Variants in NCAM1 observed in about 807,000 individuals in gnomAD.
NCAM1 encodes antigen recognized by monoclonal antibody 5.1H11.
Under a neutral mutation model 109.8 loss-of-function variants are expected in NCAM1, and 14 were observed. The observed-to-expected ratio is 0.13, with a 90% CI of 0.08 to 0.20. The LOEUF is 0.20. NCAM1 is among the 10% of genes least tolerant of loss of function. The pLI is 1.00. For missense variants in NCAM1, 774 were observed against 1,109.9 expected (o/e 0.70, Z 4.30); for synonymous variants, 418 against 442.9 (o/e 0.94, Z 0.70).
intron 1 of NCAM1, among the ~76,000 whole-genome samples, chr11:113,105,589 A>G (rs1378729852): frequency 6.6e-6 from 1 of 152,230 alleles, no homozygotes; most frequent in Non-Finnish European, 1.5e-5. Context: ...CAGGCATAAA[A>G]AGGAATGAAG....
At chr11:113,162,486 G>A (rs1235159097) in intron 1 of NCAM1, among the ~76,000 whole-genome samples, 1 of 152,034 alleles carries the variant, frequency 6.6e-6, no homozygotes, top group Non-Finnish European at 1.5e-5. Flanking sequence ...GCTTGCTTCT[G>A]GCCTAATAAC....
rs1441438501 is a variant in NCAM1 at position 113,072,822 on chromosome 11, TA to T, written c.52+111159del. 7.3e-3 allele frequency among the ~76,000 whole-genome samples: 429 copies of T among 58,596 alleles called. 1 individual carries two copies. Among genetic ancestry groups the T allele is most frequent in the African/African-American group, 0.024 (392 of 16,250 alleles). The allele number at this position is 58,596 out of a possible 152,430, so 38.4% of individuals were successfully genotyped here. On this transcript the variant is annotated intron_variant, in intron 1 of 19. Coordinates refer to ENST00000316851, the MANE Select transcript of NCAM1 (RefSeq NM_181351.5). ...TTTCTAAGTATTTTACATTGTTTTT[TA>T]TTTTTTTTTTCATTTTTTTGACTAT...
chr11:113,078,830 C>T (rs1565423000), intron 1 of NCAM1, among the ~76,000 whole-genome samples: 1 of 152,076 alleles, frequency 6.6e-6, no homozygotes, highest in Non-Finnish European at 1.5e-5. Flanking sequence ...TCCAGTGGCT[C>T]GTGGCTGATG....
At chr11:113,237,715 G>A (rs1945203979) in intron 14 of NCAM1, among the ~76,000 whole-genome samples, 1 of 152,168 alleles carries the variant, frequency 6.6e-6, no homozygotes, top group South Asian at 2.1e-4. Context: ...TTAAAGAGAG[G>A]AAGGCTGGGA....
At chr11:113,188,761 C>G (rs1393512462) in intron 1 of NCAM1, among the ~76,000 whole-genome samples, 1 of 152,134 alleles carries the variant, frequency 6.6e-6, no homozygotes, top group African/African-American at 2.4e-5. Context: ...CTTTTGGTCA[C>G]TAACATTCCC....
intron 18 of NCAM1, chr11:113,270,659 G>A: frequency 2.0e-6 from 1 of 502,278 alleles, no homozygotes; most frequent in South Asian, 2.5e-5. Flanking sequence ...TCCCTGTGTA[G>A]GTCAAAATGA....
At chr11:113,150,607 C>G (rs370051397) in intron 1 of NCAM1, among the ~76,000 whole-genome samples, 2 of 152,260 alleles carry the variant, frequency 1.3e-5, no homozygotes, top group South Asian at 2.1e-4. Flanking sequence ...AAATTTGTAA[C>G]TCATTTGGGG....
At chr11:113,210,775 A>AC (rs1944363983) in intron 7 of NCAM1, among the ~76,000 whole-genome samples, 24 of 130,980 alleles carry the variant, frequency 1.8e-4, no homozygotes, top group Admixed American at 7.8e-4. Context: ...CTTCATCACA[A>AC]ACACACACAC....
At chr11:113,265,597 C>A (rs1319777403) in intron 17 of NCAM1, among the ~76,000 whole-genome samples, 1 of 152,194 alleles carries the variant, frequency 6.6e-6, no homozygotes, top group Non-Finnish European at 1.5e-5. Flanking sequence ...AGAGAAGATT[C>A]TCTTTGCAAA....
intron 9 of NCAM1, among the ~76,000 whole-genome samples, chr11:113,222,740 A>G (rs539265533): frequency 6.6e-6 from 1 of 152,268 alleles, no homozygotes; most frequent in Admixed American, 6.5e-5. Context: ...TTTATCAGGG[A>G]GCATTAAGGA....
chr11:113,223,798 C>G (rs1243793710), intron 9 of NCAM1, among the ~76,000 whole-genome samples: 1 of 152,212 alleles, frequency 6.6e-6, no homozygotes, highest in East Asian at 1.9e-4. Context: ...TGCCTGCAGT[C>G]CTGCTTTGTT....
At chr11:112,972,278 A>G (rs541807193) in intron 1 of NCAM1, among the ~76,000 whole-genome samples, 11 of 152,216 alleles carry the variant, frequency 7.2e-5, no homozygotes, top group South Asian at 2.1e-4. Context: ...GATGGTAGTA[A>G]TCTATATTTT....
chr11:113,257,543 C>T lies in NCAM1; in HGVS notation c.1953+1542C>T, dbSNP rs1183982584. ...GCAGGCTCAGGCTGGAACCATCTCC[C>T]GTATGACATCTCCAACCATGTCGGA... is the stretch of plus-strand genomic sequence containing the variant. On this transcript the variant is annotated intron_variant, in intron 16 of 19. Transcript: ENST00000316851. 8.5e-5 allele frequency among the ~76,000 whole-genome samples: 13 copies of T among 152,152 alleles called. No homozygotes were observed. The South Asian group carries it at 1.2e-3, about 15-fold the overall frequency.
chr11:113,059,227 C>T (rs1953831756), intron 1 of NCAM1, among the ~76,000 whole-genome samples: 1 of 152,160 alleles, frequency 6.6e-6, no homozygotes, highest in Non-Finnish European at 1.5e-5. Flanking sequence ...ATAGTGAGCT[C>T]AACCAAAATC....
chr11:113,231,628 C>T lies in NCAM1; in HGVS notation c.1090-17C>T, dbSNP rs781865580. The stretch of plus-strand genomic sequence containing the variant: ...CCTTGGGCTCTGACATGCTCCCTTC[C>T]CCCCCACCCCCGGCAGACTCTGGAT... On this transcript the variant is annotated splice_polypyrimidine_tract_variant and intron_variant, in intron 9 of 19. Coordinates refer to ENST00000316851, the MANE Select transcript of NCAM1 (RefSeq NM_181351.5). The T allele has an allele frequency of 2.0e-5, 32 of 1,610,478 alleles. 1 individual carries two copies. The highest frequency in any genetic ancestry group is 2.6e-5 in the Non-Finnish European group (31 of 1,177,438).
chr11:113,268,003 C>A (rs1946172347), intron 17 of NCAM1, among the ~76,000 whole-genome samples: 2 of 152,230 alleles, frequency 1.3e-5, no homozygotes, highest in South Asian at 4.1e-4. Context: ...ACTTTCAGAT[C>A]TTTCTTCAGG....
chr11:113,181,111 T>C (rs1943317279), intron 1 of NCAM1, among the ~76,000 whole-genome samples: 2 of 152,238 alleles, frequency 1.3e-5, no homozygotes, highest in Admixed American at 1.3e-4. Context: ...CACTAAACTG[T>C]AAAGATGAGT....
Position 112,963,869 on chromosome 11 carries a change from C to A in NCAM1, c.52+2205C>A, listed in dbSNP as rs1446755817. On this transcript the variant is annotated intron_variant, in intron 1 of 19. Transcript: ENST00000316851. This position sits in a 1 kb window ranked among gnomAD's most constrained non-coding sequence, Gnocchi z 4.6. ...TGCCCAGGCAGGGGAGGCATTCTAA[C>A]CAGTGTTCCCTGGAATGAAAGCGAC... Among the ~76,000 whole-genome samples, 1 of 152,140 alleles carries A rather than the reference C, an allele frequency of 6.6e-6. No individual in the cohort carries two copies. Among genetic ancestry groups the A allele is most frequent in the Admixed American group, 6.5e-5 (1 of 15,284 alleles).
intron 1 of NCAM1, among the ~76,000 whole-genome samples, chr11:113,070,378 C>G (rs1034867763): frequency 2.0e-5 from 3 of 152,090 alleles, no homozygotes; most frequent in Admixed American, 6.5e-5. Context: ...GATGCAGAAA[C>G]ATCATTCCTC....
Sources: allele counts gnomAD v4.1 joint callset (sites outside exome capture counted in the v4.1 genomes callset), GRCh38; gene constraint gnomAD v4.1.1; non-coding constraint Gnocchi (gnomAD v3.1); transcripts MANE v1.5; gene names NCBI Gene and HGNC (gene_info 2026-07-23, HGNC 2026-07-21).